The following LTN1 variants were observed in gnomAD, a reference collection of about 807,000 sequenced individuals.
LTN1 encodes the protein E3 ubiquitin-protein ligase listerin.
Under a neutral mutation model 201.2 loss-of-function variants are expected in LTN1, and 88 were observed. The observed-to-expected ratio is 0.44, with a 90% CI of 0.37 to 0.52. The LOEUF (loss-of-function observed/expected upper bound fraction) is 0.52, where lower values mean the gene tolerates loss of function less well. LTN1 is among the 20% of genes least tolerant of loss of function. LTN1 has a pLI of 0.00. For synonymous variants in LTN1, 645 were observed against 713.5 expected (o/e 0.90, Z 1.53); for missense variants, 1,752 against 2,038.7 (o/e 0.86, Z 2.71).
intron 27 of LTN1, among the ~76,000 whole-genome samples, chr21:28,934,015 C>T (rs1241212024): frequency 6.6e-6 from 1 of 152,072 alleles, no homozygotes. Flanking sequence ...TCATTTTCCC[C>T]ATAACAAAAT....
At chr21:28,930,627 A>G (rs2084203352) in intron 29 of LTN1, 117 bp from the exon 30 acceptor site, 1 of 637,398 alleles carries the variant, frequency 1.6e-6, no homozygotes, top group Non-Finnish European at 2.6e-6. Flanking sequence ...AAAGGGAAGA[A>G]CAATAAAATT....
At position 28,971,412 on chromosome 21, in the gene LTN1, T is replaced by C. The variant is rs1304407380; in HGVS notation, c.843A>G (p.Ala281=). 2 of 1,614,066 alleles carry C rather than the reference T, an allele frequency of 1.2e-6. No homozygotes were observed. Among genetic ancestry groups the C allele is most frequent in the Non-Finnish European group, 1.7e-6 (2 of 1,179,972 alleles). ...TCAACTGTGGAATGCGCTGGCACAA[T>C]GCAGAGACTAACTCAAAATAAGCTG... The part of the protein sequence containing the change: ...IRSAYFELVS[A]LCQRIPQLMK... Residue 281 remains alanine, a synonymous_variant, in exon 7 of 30, where the codon GCA becomes GCG. Coordinates refer to ENST00000361371, the MANE Select transcript of LTN1 (RefSeq NM_015565.3).
chr21:28,943,866 C>T lies in LTN1; in HGVS notation c.4021G>A (p.Ala1341Thr), dbSNP rs530543748. ...GTTTCACACATGGGTTTCAGCATTG[C>T]ATTCTGAAAGGATGTTTCAGACACA... ...KDVSETSFQNAMLKPMCETLT... is the reference protein window; with the variant it reads ...KDVSETSFQNTMLKPMCETLT... Residue 1341 changes from alanine to threonine, a missense_variant, in exon 23 of 30, where the codon GCA becomes ACA. Physicochemically the swap from Ala to Thr is moderately conservative, Grantham distance 58. Coordinates refer to ENST00000361371, the MANE Select transcript of LTN1 (RefSeq NM_015565.3). 6.2e-7 allele frequency: 1 copy of T among 1,613,012 alleles called. No individual in the cohort carries two copies. Among genetic ancestry groups the T allele is most frequent in the African/African-American group, 1.3e-5 (1 of 74,988 alleles).
At position 28,986,187 on chromosome 21, in the gene LTN1, C is replaced by G. The variant is rs753557814; in HGVS notation, c.297G>C (p.Val99=). The G allele has an allele frequency of 7.4e-6, 12 of 1,613,576 alleles. No individual in the cohort carries two copies. The highest frequency in any genetic ancestry group is 9.3e-6 in the Non-Finnish European group (11 of 1,179,596). ...TMCTERDTET[V]KGVLPYWPRI... ...TTGGCCAATATGGAAGAACTCCTTT[C>G]ACAGTTTCTGTGTCTCTCTCTGTAC... The change falls in exon 3 of 30, where the codon GTG becomes GTC. Residue 99 remains valine (V), a synonymous_variant. Coordinates refer to ENST00000361371, the MANE Select transcript of LTN1 (RefSeq NM_015565.3). The surrounding 1 kb of genome is among the most constrained non-coding windows in gnomAD (Gnocchi z 4.1).
rs532250256 is a variant in LTN1, at chr21:28,931,677, C to A, written c.5071-355G>T. Among the ~76,000 whole-genome samples, 7 of 152,300 alleles carry A rather than the reference C, an allele frequency of 4.6e-5. No individual in the cohort carries two copies. The East Asian group carries it at 1.3e-3, about 29-fold the overall frequency. On this transcript the variant is annotated intron_variant, in intron 28 of 29. Coordinates refer to ENST00000361371, the MANE Select transcript of LTN1 (RefSeq NM_015565.3). ...TTATCTCAAATGATTTGTTCCAGCT[C>A]TACAATATTGGTGAGCATATTTGTT...
intron 24 of LTN1, 145 bp downstream of exon 24, chr21:28,943,117 T>C (rs2084309994): frequency 2.0e-6 from 1 of 508,856 alleles, no homozygotes; most frequent in Non-Finnish European, 3.5e-6. Context: ...CTATATTTCA[T>C]TTATATCTTA....
In LTN1 at chr21:28,986,788, A is replaced by G; in HGVS notation, c.189T>C (p.Ser63=). 6.2e-7 allele frequency: 1 copy of G among 1,614,116 alleles called. No homozygotes were observed. The highest frequency in any genetic ancestry group is 8.5e-7 in the Non-Finnish European group (1 of 1,179,962). Residue 63 remains serine, a synonymous_variant, in exon 2 of 30, where the codon TCT becomes TCC. Coordinates refer to ENST00000361371, the MANE Select transcript of LTN1 (RefSeq NM_015565.3). This position sits in a 1 kb window ranked among gnomAD's most constrained non-coding sequence, Gnocchi z 4.1. ...GAEEIDSLVD[S]DFRMVLRKLS... ...GTTTCCGCAGCACCATTCGGAAATC[A>G]GAATCTACAAGACTGTCAATTTCTT...
Position 28,966,623 on chromosome 21 carries a change from G to A in LTN1, c.1868C>T (p.Ser623Phe). The A allele has an allele frequency of 1.2e-6, 2 of 1,614,036 alleles. No homozygotes were observed. The highest frequency in any genetic ancestry group is 1.7e-6 in the Non-Finnish European group (2 of 1,179,982). ...HLRFLSTLLD[S>F]FSSSRVFKML... Reference sequence around the variant, plus strand: ...TTTAAATACTCGGCTTGAAGAAAAGGAGTCAAGCAGAGTAGAAAGAAACCT... The same window carrying A: ...TTTAAATACTCGGCTTGAAGAAAAGAAGTCAAGCAGAGTAGAAAGAAACCT... Residue 623 changes from serine (S) to phenylalanine (F), a missense_variant, in exon 10 of 30, where the codon TCC (serine) becomes TTC (phenylalanine). Physicochemically the swap from Ser to Phe is radical, Grantham distance 155 (BLOSUM62 -2). Around this residue, in one of 3 missense-constraint regions of LTN1, gnomAD observed 1,211 missense variants for 1,312.8 expected, o/e 0.92. Coordinates refer to ENST00000361371, the MANE Select transcript of LTN1 (RefSeq NM_015565.3).
chr21:28,944,542 A>G lies in LTN1; in HGVS notation c.3823T>C (p.Cys1275Arg). The change falls in exon 22 of 30, where the codon TGT becomes CGT. Residue 1275 changes from cysteine (C) to arginine (R), a missense_variant. Cys to Arg is a radical substitution (Grantham distance 180). Around this residue, in one of 3 missense-constraint regions of LTN1, gnomAD observed 1,211 missense variants for 1,312.8 expected, o/e 0.92. Coordinates refer to ENST00000361371, the MANE Select transcript of LTN1 (RefSeq NM_015565.3). ...TCACAGGCCAAATCACAGCTGACAC[A>G]GGCAAACAGTTGCACAAGTGGAATA... ...YSIPLVQLFA[C>R]VSCDLACDLS... The G allele has an allele frequency of 6.2e-7, 1 of 1,614,056 alleles. No individual in the cohort carries two copies.
At chr21:28,947,221 AG>A (rs1214932297) in intron 19 of LTN1, among the ~76,000 whole-genome samples, 1 of 152,208 alleles carries the variant, frequency 6.6e-6, no homozygotes, top group East Asian at 1.9e-4. Flanking sequence ...AGCTTTAAAA[AG>A]CTATAGATAG....
chr21:28,982,466 C>T (rs2084666793), intron 4 of LTN1, 98 bp from the exon 5 acceptor site: 2 of 852,674 alleles, frequency 2.3e-6, no homozygotes, highest in African/African-American at 3.4e-5. Flanking sequence ...TTAAAAATCC[C>T]CATAAACATC....
chr21:28,985,166 GTTGGGCCTTGAGGCCGAGC>G (rs1316099083), intron 3 of LTN1, among the ~76,000 whole-genome samples: 5 of 152,014 alleles, frequency 3.3e-5, no homozygotes, highest in Non-Finnish European at 5.9e-5. Flanking sequence ...CAGATTCAAA[GTTGGGCCTTGAGGCCGAGC>G]CTGGTGGCTC....
Position 28,984,761 on chromosome 21 carries a change from T to C in LTN1, c.507A>G (p.Ala169=), listed in dbSNP as rs2084683877. ...YTPAAFAAKD[A]FEAAFPPSKQ... is the part of the protein sequence containing the mutation. The stretch of plus-strand genomic sequence containing the variant: ...TGCTTGGAGGAAAAGCCGCTTCAAA[T>C]GCATCTTTTGCTGCAAACGCAGCTG... Residue 169 remains alanine, a synonymous_variant, in exon 4 of 30, where the codon GCA becomes GCG. Transcript: ENST00000361371. 1.9e-6 allele frequency: 3 copies of C among 1,614,194 alleles called. No individual in the cohort carries two copies.
At position 28,935,701 on chromosome 21, in the gene LTN1, G is replaced by A. The variant is rs189391285; in HGVS notation, c.4655-372C>T. On this transcript the variant is annotated intron_variant, in intron 26 of 29. Transcript: ENST00000361371. ...TAAAAATACAAAAAATTAGGTGGGCGTGGTGATGGGTGCCTGTAGTCCCAG... is the reference window on the plus strand; with the variant it reads ...TAAAAATACAAAAAATTAGGTGGGCATGGTGATGGGTGCCTGTAGTCCCAG... Among the ~76,000 whole-genome samples, 380 of 152,164 alleles carry A rather than the reference G, an allele frequency of 2.5e-3. 8 individuals are homozygous for A. The highest frequency in any genetic ancestry group is 0.023 in the Admixed American group (354 of 15,290).
intron 4 of LTN1, among the ~76,000 whole-genome samples, 197 bp downstream of exon 4, chr21:28,984,495 T>G (rs897280846): frequency 3.9e-5 from 6 of 152,132 alleles, no homozygotes; most frequent in African/African-American, 1.4e-4. Flanking sequence ...TGTAGAAAGA[T>G]CCAATCCAAA....
intron 29 of LTN1, among the ~76,000 whole-genome samples, chr21:28,930,860 T>C (rs551032502): frequency 1.3e-5 from 2 of 152,332 alleles, no homozygotes; most frequent in South Asian, 4.1e-4. Context: ...CTCTCCTTCA[T>C]GGTCTAGATC....
At position 28,941,253 on chromosome 21, in the gene LTN1, T is replaced by C; in HGVS notation, c.4449A>G (p.Leu1483=). Residue 1483 remains leucine, a synonymous_variant, in exon 25 of 30, where the codon TTA becomes TTG. Transcript: ENST00000361371. ...YVLGYLLTWK[L]ILTFFKAASS... Reference sequence around the variant, plus strand: ...ATGCAGCTTTGAAGAAAGTTAGTATTAATTTCCAAGTGAGAAGGTATCCCA... The same window carrying C: ...ATGCAGCTTTGAAGAAAGTTAGTATCAATTTCCAAGTGAGAAGGTATCCCA... 1 of 1,611,726 alleles carries C rather than the reference T, an allele frequency of 6.2e-7. No homozygotes were observed. Among genetic ancestry groups the C allele is most frequent in the Non-Finnish European group, 8.5e-7 (1 of 1,179,314 alleles).
chr21:28,969,195 T>C (rs2084552438), intron 9 of LTN1, among the ~76,000 whole-genome samples: 1 of 151,320 alleles, frequency 6.6e-6, no homozygotes, highest in Non-Finnish European at 1.5e-5. Flanking sequence ...TACTCCAGCC[T>C]GGGCAACAAA....
In LTN1 at chr21:28,986,033, C is replaced by T; in HGVS notation, c.345+106G>A. ...AATCTGCATAACAATGCTGACATAA[C>T]ATTTAATAACCCTCACCAAAAATCA... On this transcript the variant is annotated intron_variant, in intron 3 of 29. Coordinates refer to ENST00000361371, the MANE Select transcript of LTN1 (RefSeq NM_015565.3). The surrounding 1 kb of genome is among the most constrained non-coding windows in gnomAD (Gnocchi z 4.1). The T allele has an allele frequency of 1.5e-6, 1 of 664,052 alleles. No individual in the cohort carries two copies. The highest frequency in any genetic ancestry group is 2.7e-6 in the Non-Finnish European group (1 of 367,682). The allele number at this position is 664,052 out of a possible 1,614,324, so 41.1% of individuals were successfully genotyped here. A position where few individuals can be genotyped will look rare whatever the true frequency, so the allele number is the denominator to read the frequency against.
Sources: gnomAD v4.1 joint callset for allele counts (sites outside exome capture counted in the v4.1 genomes callset) on GRCh38, gnomAD v4.1.1 for gene constraint, gnomAD v4.1.1 regional missense constraint, Gnocchi (gnomAD v3.1) non-coding constraint, MANE v1.5 for transcripts, NCBI Gene and HGNC (gene_info 2026-07-23, HGNC 2026-07-21) for gene names.